ASTN2: variants seen among roughly 807,000 people sequenced by gnomAD.
ASTN2 encodes the protein astrotactin 2.
In ASTN2, 54 loss-of-function variants were observed where a neutral mutation model predicts 139.8. The ratio of observed to expected loss-of-function variants is 0.39; its 90% CI spans 0.31 to 0.48. ASTN2 has a LOEUF of 0.48. Among genes scored for constraint, ASTN2 ranks in the 20% least tolerant of loss-of-function variants. The probability of loss-of-function intolerance (pLI) is 0.95; values close to 1 mark genes in which losing one functional copy is unlikely to be tolerated. For synonymous variants in ASTN2, 756 were observed against 719.5 expected (o/e 1.05, Z -0.81); for missense variants, 1,565 against 1,725.1 (o/e 0.91, Z 1.64).
chr9:117,234,111 G>A (rs981000176), intron 2 of ASTN2, among the ~76,000 whole-genome samples: 5 of 152,144 alleles, frequency 3.3e-5, no homozygotes, highest in African/African-American at 9.7e-5. Flanking sequence ...GCAGAAAGGG[G>A]GAGTTAGATG....
chr9:117,102,904 CTAAAT>C lies in ASTN2; in HGVS notation c.1169-6758_1169-6754del, dbSNP rs201084027. 1.1e-3 allele frequency among the ~76,000 whole-genome samples: 162 copies of C among 151,172 alleles called. 2 individuals carry two copies. The East Asian group carries it at 0.03, about 28-fold the overall frequency. On this transcript the variant is annotated intron_variant, in intron 4 of 22. Transcript: ENST00000313400. Reference sequence around the variant, plus strand: ...CCAACTTTTTTTTTTTGTAATATCACTAAATTAGTGATAGAACCATAAATGGGGAA... The same window carrying C: ...CCAACTTTTTTTTTTTGTAATATCACTAGTGATAGAACCATAAATGGGGAA...
At chr9:116,998,909 C>T (rs1357767802) in intron 7 of ASTN2, among the ~76,000 whole-genome samples, 1 of 152,158 alleles carries the variant, frequency 6.6e-6, no homozygotes, top group African/African-American at 2.4e-5. Flanking sequence ...CATAAAAATC[C>T]TGTATCCCTT....
chr9:117,177,529 C>T (rs1830947049), intron 3 of ASTN2, among the ~76,000 whole-genome samples: 1 of 152,168 alleles, frequency 6.6e-6, no homozygotes, highest in Admixed American at 6.5e-5. Flanking sequence ...GATTCCCTCC[C>T]TCAGAAACTA....
Position 116,576,273 on chromosome 9 carries a change from A to C in ASTN2, c.3355+42051T>G, listed in dbSNP as rs1051703882. ...CTAGGCATACGACCTGGTGTTTCACATATCTCTCATGACAACCTTGTGAAT... is the reference window on the plus strand; with the variant it reads ...CTAGGCATACGACCTGGTGTTTCACCTATCTCTCATGACAACCTTGTGAAT... On this transcript the variant is annotated intron_variant, in intron 19 of 22. Coordinates refer to ENST00000313400, the MANE Select transcript of ASTN2 (RefSeq NM_001365068.1). Among the ~76,000 whole-genome samples the C allele has an allele frequency of 3.1e-4, 47 of 152,268 alleles. 1 individual carries two copies. Among genetic ancestry groups the C allele is most frequent in the African/African-American group, 1.0e-3 (43 of 41,550 alleles).
intron 7 of ASTN2, among the ~76,000 whole-genome samples, chr9:116,984,978 GA>G (rs1836635402): frequency 6.6e-6 from 1 of 152,190 alleles, no homozygotes; most frequent in Non-Finnish European, 1.5e-5. Context: ...GGTAGGCAAA[GA>G]AACATGATTC....
At chr9:116,667,705 C>A (rs1858952350) in intron 16 of ASTN2, among the ~76,000 whole-genome samples, 1 of 151,950 alleles carries the variant, frequency 6.6e-6, no homozygotes, top group Non-Finnish European at 1.5e-5. Context: ...TGTTTTGATT[C>A]TTTCTTGTAA....
At chr9:117,051,675 G>T (rs1324737091) in intron 5 of ASTN2, among the ~76,000 whole-genome samples, 1 of 152,010 alleles carries the variant, frequency 6.6e-6, no homozygotes, top group Admixed American at 6.6e-5. Flanking sequence ...TCTGTCATTT[G>T]ACTCTCACAT....
At chr9:116,952,230 TCTGA>T (rs1354401131) in intron 10 of ASTN2, among the ~76,000 whole-genome samples, 1 of 152,224 alleles carries the variant, frequency 6.6e-6, no homozygotes, top group Non-Finnish European at 1.5e-5. Flanking sequence ...ATGGGGTATG[TCTGA>T]CTACTTACTC....
intron 19 of ASTN2, among the ~76,000 whole-genome samples, chr9:116,593,227 A>G (rs1854442002): frequency 6.6e-6 from 1 of 152,236 alleles, no homozygotes; most frequent in South Asian, 2.1e-4. Context: ...GTGCTTTTGC[A>G]AGGGAAATAA....
intron 14 of ASTN2, among the ~76,000 whole-genome samples, chr9:116,730,582 C>G (rs141206336): frequency 1.8e-3 from 274 of 152,154 alleles, no homozygotes; most frequent in Non-Finnish European, 3.0e-3. Flanking sequence ...ATGTTTTTGA[C>G]TAAGGGCAGA....
In ASTN2 at chr9:117,067,221, A is replaced by T. The variant is rs1362351271; in HGVS notation, c.1277-27256T>A. On this transcript the variant is annotated intron_variant, in intron 5 of 22. Transcript: ENST00000313400. ...AAGGGATCCAGTTTCAGCTTTCTACATATGGCTAGCCAGTTTTCCCAGCAC... is the reference window on the plus strand; with the variant it reads ...AAGGGATCCAGTTTCAGCTTTCTACTTATGGCTAGCCAGTTTTCCCAGCAC... Among the ~76,000 whole-genome samples, 12 of 101,542 alleles carry T rather than the reference A, an allele frequency of 1.2e-4. No individual in the cohort carries two copies. In the South Asian group the frequency reaches 3.5e-3, roughly 29 times the overall value. 66.6% of individuals were successfully genotyped at this position (101,542 alleles called of 152,430 possible). A position where few individuals can be genotyped will look rare whatever the true frequency, so the allele number is the denominator to read the frequency against.
At chr9:116,750,173 C>A (rs958464769) in intron 13 of ASTN2, among the ~76,000 whole-genome samples, 3 of 152,110 alleles carry the variant, frequency 2.0e-5, no homozygotes, top group African/African-American at 7.2e-5. Context: ...AGAAAAATAA[C>A]GTTTAAAAAC....
intron 6 of ASTN2, among the ~76,000 whole-genome samples, chr9:117,035,175 G>C (rs187738225): frequency 3.3e-5 from 5 of 152,084 alleles, no homozygotes; most frequent in Non-Finnish European, 5.9e-5. Context: ...CTCTGGCTTT[G>C]GTCCCTGGGA....
intron 19 of ASTN2, among the ~76,000 whole-genome samples, chr9:116,527,112 C>T (rs764048085): frequency 3.3e-5 from 5 of 152,100 alleles, no homozygotes; most frequent in Admixed American, 6.6e-5. Flanking sequence ...TGGAAAAGTT[C>T]CATCACATTG....
intron 7 of ASTN2, among the ~76,000 whole-genome samples, chr9:117,004,362 C>T (rs146592793): frequency 9.2e-5 from 14 of 152,222 alleles, no homozygotes; most frequent in African/African-American, 3.4e-4. Context: ...CTCAAGCGAT[C>T]CACTTGCTTC....
intron 17 of ASTN2, among the ~76,000 whole-genome samples, chr9:116,631,027 A>G (rs967825401): frequency 6.6e-6 from 1 of 152,226 alleles, no homozygotes; most frequent in Non-Finnish European, 1.5e-5. Context: ...TCCAATTTGG[A>G]CAGTTATTAC....
chr9:116,531,968 T>C (rs974995719), intron 19 of ASTN2, among the ~76,000 whole-genome samples: 15 of 152,222 alleles, frequency 9.9e-5, no homozygotes, highest in Non-Finnish European at 1.0e-4. Flanking sequence ...TTCAACTAGT[T>C]TACTGTCCCA....
At chr9:117,306,472 C>T (rs571355885) in intron 1 of ASTN2, among the ~76,000 whole-genome samples, 2 of 152,282 alleles carry the variant, frequency 1.3e-5, no homozygotes, top group South Asian at 4.2e-4. Flanking sequence ...TGCTCTGCCA[C>T]TGATGTGCTG....
intron 3 of ASTN2, among the ~76,000 whole-genome samples, chr9:117,160,561 C>A (rs1420210694): frequency 1.3e-5 from 2 of 152,044 alleles, no homozygotes; most frequent in Admixed American, 6.6e-5. Flanking sequence ...CTGCTTTATT[C>A]TTCATTAAAC....
Sources: gnomAD v4.1 joint callset for allele counts (sites outside exome capture counted in the v4.1 genomes callset) on GRCh38, gnomAD v4.1.1 for gene constraint, MANE v1.5 for transcripts, NCBI Gene and HGNC (gene_info 2026-07-23, HGNC 2026-07-21) for gene names.